The following ZFAND3 variants were observed in gnomAD, a reference collection of about 807,000 sequenced individuals.
The protein encoded by ZFAND3 is zinc finger AN1-type containing 3.
In ZFAND3, 10 loss-of-function variants were observed where a neutral mutation model predicts 29.6. The ratio of observed to expected loss-of-function variants is 0.34; its 90% CI spans 0.21 to 0.57. The LOEUF (loss-of-function observed/expected upper bound fraction) is 0.57. Among genes scored for constraint, ZFAND3 ranks in the 20% least tolerant of loss-of-function variants. ZFAND3 has a pLI of 0.86. For synonymous variants in ZFAND3, 128 were observed against 112.6 expected (o/e 1.14, Z -0.87); for missense variants, 230 against 304.5 (o/e 0.76, Z 1.82).
chr6:37,854,170 C>T (rs964519306), intron 1 of ZFAND3, among the ~76,000 whole-genome samples: 5 of 152,088 alleles, frequency 3.3e-5, no homozygotes, highest in Non-Finnish European at 5.9e-5. Flanking sequence ...AGGCTGGTCT[C>T]GAACTCCTGA....
At chr6:38,091,793 G>A (rs1429588107) in intron 4 of ZFAND3, among the ~76,000 whole-genome samples, 7 of 150,996 alleles carry the variant, frequency 4.6e-5, no homozygotes, top group East Asian at 2.0e-4. Context: ...GGTGGGTGCC[G>A]AAGTGGAACA....
chr6:37,874,193 C>G (rs1764750515), intron 1 of ZFAND3, among the ~76,000 whole-genome samples: 1 of 152,102 alleles, frequency 6.6e-6, no homozygotes, highest in African/African-American at 2.4e-5. Context: ...CATCATCTTT[C>G]CTCTGTATGT....
intron 2 of ZFAND3, among the ~76,000 whole-genome samples, chr6:38,059,101 T>G (rs1035445927): frequency 9.2e-5 from 14 of 152,252 alleles, no homozygotes; most frequent in African/African-American, 3.4e-4. Context: ...TTAAAATATA[T>G]AGAGAATAAA....
At chr6:38,147,229 T>A (rs1384721167) in intron 5 of ZFAND3, among the ~76,000 whole-genome samples, 1 of 152,232 alleles carries the variant, frequency 6.6e-6, no homozygotes, top group Admixed American at 6.5e-5. Flanking sequence ...TGAATATAAG[T>A]GAGAACATGG....
At chr6:38,057,049 G>GT (rs1764145898) in intron 2 of ZFAND3, among the ~76,000 whole-genome samples, 1 of 150,402 alleles carries the variant, frequency 6.6e-6, no homozygotes, top group Admixed American at 6.6e-5. Context: ...TATAAAATTA[G>GT]TTATTCCTAA....
intron 2 of ZFAND3, among the ~76,000 whole-genome samples, chr6:37,940,292 G>T (rs920560419): frequency 6.6e-6 from 1 of 152,182 alleles, no homozygotes; most frequent in Non-Finnish European, 1.5e-5. Context: ...TGTTGCCTTT[G>T]TGTGTGAATT....
rs1426335793 is a variant in ZFAND3 at position 38,107,401 on chromosome 6, G to C, written c.362-9171G>C. ...AACTGCAAGGTGCAGTAGAAACTGG[G>C]TTGATTACACAGTACCTTCCCTTCA... On this transcript the variant is annotated intron_variant, in intron 4 of 5. Transcript: ENST00000287218. 3.9e-5 allele frequency among the ~76,000 whole-genome samples: 6 copies of C among 152,224 alleles called. No individual in the cohort carries two copies. The South Asian group carries it at 1.2e-3, about 32-fold the overall frequency.
chr6:37,976,992 T>C (rs1171873327), intron 2 of ZFAND3, among the ~76,000 whole-genome samples: 5 of 152,210 alleles, frequency 3.3e-5, no homozygotes, highest in African/African-American at 9.7e-5. Context: ...TTCTCTCCAC[T>C]TTAGATACCT....
intron 5 of ZFAND3, among the ~76,000 whole-genome samples, chr6:38,122,016 A>G (rs543140780): frequency 1.4e-4 from 21 of 152,148 alleles, no homozygotes; most frequent in Non-Finnish European, 2.8e-4. Flanking sequence ...AGCATTTACT[A>G]TTTGGCACTC....
rs191117523 is a variant in ZFAND3, at chr6:37,905,718, A to T, written c.72-24241A>T. 8.5e-5 allele frequency among the ~76,000 whole-genome samples: 13 copies of T among 152,258 alleles called. No homozygotes were observed. In the East Asian group the frequency reaches 1.9e-3, roughly 23 times the overall value. On this transcript the variant is annotated intron_variant, in intron 1 of 5. Coordinates refer to ENST00000287218, the MANE Select transcript of ZFAND3 (RefSeq NM_021943.3). ...TATTTGAGTTAATCTTAAAAATGTT[A>T]GGGTTAGGGTGTACCACTTATTAGT... is the stretch of plus-strand genomic sequence containing the variant.
At position 37,903,676 on chromosome 6, in the gene ZFAND3, G is replaced by A. The variant is rs146681163; in HGVS notation, c.72-26283G>A. 3.3e-5 allele frequency among the ~76,000 whole-genome samples: 5 copies of A among 152,302 alleles called. No individual in the cohort carries two copies. In the East Asian group the frequency reaches 5.8e-4, roughly 18 times the overall value. ...TTCAAAGTCATCAGTGGCAGAGCAC[G>A]CGCTCTAATAGCATGAATAATTTAA... is the stretch of plus-strand genomic sequence containing the variant. On this transcript the variant is annotated intron_variant, in intron 1 of 5. Coordinates refer to ENST00000287218, the MANE Select transcript of ZFAND3 (RefSeq NM_021943.3).
At chr6:37,877,533 G>T (rs944204034) in intron 1 of ZFAND3, among the ~76,000 whole-genome samples, 14 of 126,716 alleles carry the variant, frequency 1.1e-4, no homozygotes. Context: ...GACTGGATGT[G>T]AGGTGAAAGA....
chr6:38,105,986 T>C (rs997449226), intron 4 of ZFAND3, among the ~76,000 whole-genome samples: 1 of 151,538 alleles, frequency 6.6e-6, no homozygotes, highest in African/African-American at 2.4e-5. Context: ...GCCCCGTGGG[T>C]TCAGAGGGAG....
At chr6:38,104,173 C>G (rs1765162915) in intron 4 of ZFAND3, among the ~76,000 whole-genome samples, 1 of 152,128 alleles carries the variant, frequency 6.6e-6, no homozygotes, top group African/African-American at 2.4e-5. Flanking sequence ...CCTGGCAATG[C>G]CCTTTCAGTA....
chr6:38,077,325 G>C (rs1764574025), intron 3 of ZFAND3, among the ~76,000 whole-genome samples: 1 of 152,150 alleles, frequency 6.6e-6, no homozygotes, highest in South Asian at 2.1e-4. Flanking sequence ...GGTAAACAAT[G>C]TACAGATTAT....
chr6:38,090,650 G>A (rs776887140), intron 4 of ZFAND3, among the ~76,000 whole-genome samples: 1 of 152,204 alleles, frequency 6.6e-6, no homozygotes, highest in Non-Finnish European at 1.5e-5. Flanking sequence ...TGGCCATTCA[G>A]TGGATGACTG....
At chr6:38,088,955 T>A (rs909708315) in intron 4 of ZFAND3, among the ~76,000 whole-genome samples, 12 of 152,130 alleles carry the variant, frequency 7.9e-5, no homozygotes, top group African/African-American at 2.9e-4. Flanking sequence ...AGCATGTTAA[T>A]TCAATTTTAC....
chr6:37,874,514 C>CAAAAAA (rs11447694), intron 1 of ZFAND3, among the ~76,000 whole-genome samples: 2 of 79,790 alleles, frequency 2.5e-5, no homozygotes, highest in Non-Finnish European at 2.3e-5. Flanking sequence ...AACTCCGTCT[C>CAAAAAA]AAAAAAAAAA....
At chr6:38,107,339 A>T (rs769991154) in intron 4 of ZFAND3, among the ~76,000 whole-genome samples, 1 of 152,214 alleles carries the variant, frequency 6.6e-6, no homozygotes, top group African/African-American at 2.4e-5. Flanking sequence ...GGAAGAGGTG[A>T]AGTGGAGGCA....
Sources: gnomAD v4.1 joint callset for allele counts (sites outside exome capture counted in the v4.1 genomes callset) on GRCh38, gnomAD v4.1.1 for gene constraint, MANE v1.5 for transcripts, NCBI Gene and HGNC (gene_info 2026-07-23, HGNC 2026-07-21) for gene names.